Variants in PCDHA8 observed in about 807,000 individuals in gnomAD.
PCDHA8 encodes the protein protocadherin alpha-8.
A neutral mutation model predicts 61.8 loss-of-function variants in PCDHA8; 53 were observed. The ratio of observed to expected loss-of-function variants is 0.86; its 90% CI spans 0.69 to 1.08. The LOEUF (loss-of-function observed/expected upper bound fraction) is 1.08. Ranked by LOEUF, PCDHA8 falls within the 50% of genes least tolerant of loss-of-function variation. PCDHA8 has a pLI of 0.00. For missense variants in PCDHA8, 1,293 were observed against 1,245.0 expected, an observed-to-expected ratio of 1.04 and a Z score of -0.58; for synonymous variants, 618 against 556.6, an observed-to-expected ratio of 1.11 and a Z score of -1.55.
chr5:140,875,039 A>C (rs1443862423), intron 1 of PCDHA8, among the ~76,000 whole-genome samples: 1 of 152,230 alleles, frequency 6.6e-6, no homozygotes, highest in East Asian at 1.9e-4. Flanking sequence ...TATTTGAAAG[A>C]TTTCTACTTT....
In PCDHA8 at chr5:141,010,204, C is replaced by G. The variant is rs1238256859; in HGVS notation, c.*267C>G. ...GACCCAAGTTTCCTTTCTCCTCCGC[C>G]GCAAAGGAGAGGCTTCCCAGCCCCG... On this transcript the variant is annotated 3_prime_UTR_variant, in exon 4 of 4. Transcript: ENST00000531613. 1.3e-5 allele frequency: 20 copies of G among 1,551,852 alleles called. No homozygotes were observed. Among genetic ancestry groups the G allele is most frequent in the Non-Finnish European group, 1.7e-5 (20 of 1,147,056 alleles).
chr5:140,926,229 G>A (rs1251523401), intron 1 of PCDHA8: 1 of 152,186 alleles, frequency 6.6e-6, no homozygotes, highest in Non-Finnish European at 1.5e-5. Context: ...AGCCTAGAAG[G>A]TGTGGTCGCT....
chr5:141,006,789 CT>C (rs2098288759), intron 3 of PCDHA8, among the ~76,000 whole-genome samples: 2 of 152,026 alleles, frequency 1.3e-5, no homozygotes, highest in Admixed American at 6.5e-5. Flanking sequence ...GAATAATTAG[CT>C]TTGAACTTTC....
rs782003848 is a variant in PCDHA8 at position 140,929,358 on chromosome 5, G to GC, written c.2395-49588dup. The GC allele has an allele frequency of 3.9e-6, 6 of 1,522,886 alleles. No homozygotes were observed. The South Asian group carries it at 5.3e-5, about 13-fold the overall frequency. 94.3% of individuals were successfully genotyped at this position (1,522,886 alleles called of 1,614,324 possible). A position where few individuals can be genotyped will look rare whatever the true frequency, so the allele number is the denominator to read the frequency against. Reference sequence around the variant, plus strand: ...AATTTTATGGAATTTGATTCCTTTGGCCCGGAGATGGCTGCTAGCTGTGTT... The same window carrying GC: ...AATTTTATGGAATTTGATTCCTTTGGCCCCGGAGATGGCTGCTAGCTGTGTT... On this transcript the variant is annotated intron_variant, in intron 1 of 3. Coordinates refer to ENST00000531613, the MANE Select transcript of PCDHA8 (RefSeq NM_018911.3).
At chr5:140,894,554 G>GA (rs1204407145) in intron 1 of PCDHA8, among the ~76,000 whole-genome samples, 2 of 151,600 alleles carry the variant, frequency 1.3e-5, no homozygotes, top group Non-Finnish European at 2.9e-5. Flanking sequence ...GTTTACTTCT[G>GA]AAAAAATTAT....
intron 1 of PCDHA8, among the ~76,000 whole-genome samples, chr5:140,872,428 G>C (rs2053656212): frequency 6.6e-6 from 1 of 151,990 alleles, no homozygotes; most frequent in African/African-American, 2.4e-5. Context: ...AGAGTTCGAG[G>C]CCTGCCTGGA....
intron 1 of PCDHA8, among the ~76,000 whole-genome samples, chr5:140,905,695 C>T (rs1350689939): frequency 6.6e-6 from 1 of 152,134 alleles, no homozygotes; most frequent in African/African-American, 2.4e-5. Context: ...TTGTTTGTGT[C>T]ATTTATGATT....
At chr5:140,865,904 T>A (rs1554159710) in intron 1 of PCDHA8, 1 of 152,148 alleles carries the variant, frequency 6.6e-6, no homozygotes. Context: ...TACAGGCAAA[T>A]CTTTCTTTCT....
At chr5:140,848,948 G>A (rs782183548) in intron 1 of PCDHA8, 1 of 1,607,010 alleles carries the variant, frequency 6.2e-7, no homozygotes, top group African/African-American at 1.4e-5. Flanking sequence ...TTGACTCTCG[G>A]TTTCCACTAG....
At chr5:140,851,107 T>C in intron 1 of PCDHA8, 2 of 1,299,568 alleles carry the variant, frequency 1.5e-6, no homozygotes, top group Non-Finnish European at 2.0e-6. Context: ...TTTTGGGTGC[T>C]GAATCAATTT....
intron 1 of PCDHA8, among the ~76,000 whole-genome samples, chr5:140,970,213 A>AAAT (rs1198069658): frequency 6.6e-5 from 10 of 152,242 alleles, no homozygotes; most frequent in Admixed American, 2.0e-4. Context: ...AATTTAGCTT[A>AAAT]AATGCAGCCT....
chr5:140,856,970 G>T (rs2044296852), intron 1 of PCDHA8: 1 of 1,592,058 alleles, frequency 6.3e-7, no homozygotes, highest in Non-Finnish European at 8.6e-7. Flanking sequence ...TGATGCTATT[G>T]ACTTTGAGGA....
intron 1 of PCDHA8, chr5:140,871,328 G>C: frequency 1.9e-6 from 3 of 1,614,128 alleles, no homozygotes; most frequent in Non-Finnish European, 2.5e-6. Flanking sequence ...GTGTGCTCCC[G>C]CGCGGTGGGG....
At chr5:141,005,442 G>A (rs529691807) in intron 3 of PCDHA8, among the ~76,000 whole-genome samples, 39 of 152,092 alleles carry the variant, frequency 2.6e-4, no homozygotes, top group Middle Eastern at 3.4e-3. Context: ...AGAGGCTCAC[G>A]CCTGTAATCC....
At chr5:140,851,968 C>T (rs1409588887) in intron 1 of PCDHA8, 1 of 976,644 alleles carries the variant, frequency 1.0e-6, no homozygotes, top group Admixed American at 6.3e-5. Flanking sequence ...GTTTTCCACA[C>T]TCTACCTTTA....
chr5:140,932,421 G>T (rs530079640), intron 1 of PCDHA8, among the ~76,000 whole-genome samples: 1 of 151,878 alleles, frequency 6.6e-6, no homozygotes, highest in Non-Finnish European at 1.5e-5. Context: ...TTAGTGTATT[G>T]TTCACCTGGA....
Position 140,871,393 on chromosome 5 carries a change from C to G in PCDHA8, c.2394+27678C>G, listed in dbSNP as rs782354799. The G allele has an allele frequency of 6.2e-6, 10 of 1,614,130 alleles. No individual in the cohort carries two copies. The East Asian group carries it at 2.2e-4, about 36-fold the overall frequency. ...GAGGGTGTGCTCTGAGGAGGGCCCA[C>G]CTAAGACGGACCTCATGGCCTTCAG... On this transcript the variant is annotated intron_variant, in intron 1 of 3. Transcript: ENST00000531613.
At chr5:140,978,861 T>C (rs540878929) in intron 1 of PCDHA8, 88 bp from the exon 2 acceptor site, 1 of 1,599,110 alleles carries the variant, frequency 6.3e-7, no homozygotes, top group African/African-American at 1.3e-5. Flanking sequence ...CCTGGAAATA[T>C]TTAAGGGAGT....
chr5:141,009,544 C>A (rs1236431515), intron 3 of PCDHA8, 83 bp from the exon 4 acceptor site: 1 of 1,534,390 alleles, frequency 6.5e-7, no homozygotes. Context: ...CCTGCCTATG[C>A]AGTACTCCTG....
Sources: allele counts gnomAD v4.1 joint callset (sites outside exome capture counted in the v4.1 genomes callset), GRCh38; gene constraint gnomAD v4.1.1; transcripts MANE v1.5; gene names NCBI Gene and HGNC (gene_info 2026-07-23, HGNC 2026-07-21).